The following LDLRAD4 variants were observed in gnomAD, a reference collection of about 807,000 sequenced individuals.
LDLRAD4 encodes the protein low density lipoprotein receptor class A domain containing 4.
A neutral mutation model predicts 17.0 loss-of-function variants in LDLRAD4; 5 were observed. The ratio of observed to expected loss-of-function variants is 0.29; its 90% confidence interval spans 0.15 to 0.62. The LOEUF is 0.62. Among genes scored for constraint, LDLRAD4 ranks in the 20% least tolerant of loss-of-function variants. The pLI is 0.84. For missense variants in LDLRAD4, 340 were observed against 424.7 expected (o/e 0.80, Z 1.75); for synonymous variants, 168 against 171.8 (o/e 0.98, Z 0.17).
At chr18:13,442,608 C>T (rs1249508195) in intron 3 of LDLRAD4, among the ~76,000 whole-genome samples, 1 of 152,232 alleles carries the variant, frequency 6.6e-6, no homozygotes, top group Non-Finnish European at 1.5e-5. Flanking sequence ...CACCTGCTGG[C>T]CGGCCGGCTG....
upstream of LDLRAD4, among the ~76,000 whole-genome samples, chr18:13,218,457 G>A (rs1360962969): frequency 6.6e-6 from 1 of 152,020 alleles, no homozygotes; most frequent in African/African-American, 2.4e-5. Context: ...CCGGAGGCCA[G>A]GATGGGCGCG....
intron 1 of LDLRAD4, among the ~76,000 whole-genome samples, chr18:13,231,435 G>A (rs755609798): frequency 6.6e-6 from 1 of 152,158 alleles, no homozygotes; most frequent in Non-Finnish European, 1.5e-5. Flanking sequence ...CCGAGATCGC[G>A]TGAGTCTGGT....
chr18:13,489,577 T>C (rs1487938762), intron 3 of LDLRAD4: 1 of 152,296 alleles, frequency 6.6e-6, no homozygotes, highest in Non-Finnish European at 1.5e-5. Flanking sequence ...CAAATCCAGC[T>C]CTGCACTGGG....
At chr18:13,401,344 A>G (rs977556331) in intron 2 of LDLRAD4, among the ~76,000 whole-genome samples, 3 of 146,844 alleles carry the variant, frequency 2.0e-5, no homozygotes, top group Non-Finnish European at 4.5e-5. Flanking sequence ...ATACATTTAT[A>G]TTGTCTTTTT....
At chr18:13,241,789 A>G (rs1474417464) in intron 1 of LDLRAD4, 2 of 152,284 alleles carry the variant, frequency 1.3e-5, no homozygotes, top group African/African-American at 4.8e-5. Context: ...TCACAGGGAC[A>G]TGCGTGAAAT....
intron 3 of LDLRAD4, among the ~76,000 whole-genome samples, chr18:13,586,552 CAG>C (rs1329490100): frequency 1.3e-5 from 2 of 151,964 alleles, no homozygotes; most frequent in African/African-American, 2.4e-5. Context: ...AGCCCTGAAA[CAG>C]ACACACATCC....
At chr18:13,321,620 C>G (rs965612319) in intron 1 of LDLRAD4, among the ~76,000 whole-genome samples, 2 of 152,050 alleles carry the variant, frequency 1.3e-5, no homozygotes, top group Non-Finnish European at 2.9e-5. Flanking sequence ...AATCCCAGCA[C>G]TTTGGGAGGT....
chr18:13,339,422 C>T (rs2082261986), intron 1 of LDLRAD4, among the ~76,000 whole-genome samples: 1 of 152,048 alleles, frequency 6.6e-6, no homozygotes, highest in African/African-American at 2.4e-5. Flanking sequence ...AGGATGGTCT[C>T]AATCTCTTGA....
At chr18:13,626,021 C>T (rs953445826) in intron 4 of LDLRAD4, among the ~76,000 whole-genome samples, 7 of 151,558 alleles carry the variant, frequency 4.6e-5, no homozygotes, top group Non-Finnish European at 8.8e-5. Flanking sequence ...CCAGGGGGGC[C>T]CAAGGAATGG....
At chr18:13,383,013 C>G (rs1484198436) in intron 1 of LDLRAD4, among the ~76,000 whole-genome samples, 2 of 152,194 alleles carry the variant, frequency 1.3e-5, no homozygotes, top group African/African-American at 4.8e-5. Flanking sequence ...GCAGGCTCAC[C>G]ACTTGTAATC....
intron 1 of LDLRAD4, among the ~76,000 whole-genome samples, chr18:13,358,020 G>A (rs2083446385): frequency 6.6e-6 from 1 of 152,092 alleles, no homozygotes; most frequent in Admixed American, 6.6e-5. Context: ...CTTTTGACGT[G>A]GCCCTAGTCT....
At chr18:13,389,568 A>G (rs2086105796) in intron 2 of LDLRAD4, among the ~76,000 whole-genome samples, 1 of 152,124 alleles carries the variant, frequency 6.6e-6, no homozygotes, top group African/African-American at 2.4e-5. Flanking sequence ...TGAGCATGGG[A>G]CAAAAAGAGC....
At position 13,637,869 on chromosome 18, in the gene LDLRAD4, A is replaced by ACC. The variant is rs1280944739; in HGVS notation, c.337-5490_337-5489insCC. On this transcript the variant is annotated intron_variant, in intron 4 of 5. Transcript: ENST00000359446. Reference sequence around the variant, plus strand: ...CAACAGAGCAAGACTCCGTCTCAACAACAAAAAAAAAAAAAAAAAGAGAGA... The same window carrying ACC: ...CAACAGAGCAAGACTCCGTCTCAACACCACAAAAAAAAAAAAAAAAAGAGAGA... 2.8e-4 allele frequency among the ~76,000 whole-genome samples: 40 copies of ACC among 143,914 alleles called. 1 individual carries two copies. The highest frequency in any genetic ancestry group is 3.3e-3 in the Middle Eastern group (1 of 304). The allele number at this position is 143,914 out of a possible 152,430, so 94.4% of individuals were successfully genotyped here.
chr18:13,557,259 CTG>C (rs1325291479), intron 3 of LDLRAD4, among the ~76,000 whole-genome samples: 8 of 152,134 alleles, frequency 5.3e-5, no homozygotes, highest in African/African-American at 1.9e-4. Context: ...GATCACAACA[CTG>C]TGCTCCAGCC....
At chr18:13,495,964 C>A (rs1455969574) in intron 3 of LDLRAD4, among the ~76,000 whole-genome samples, 1 of 152,184 alleles carries the variant, frequency 6.6e-6, no homozygotes, top group East Asian at 1.9e-4. Flanking sequence ...CTCCCCAGCT[C>A]CCCAGGCCCC....
chr18:13,511,623 G>A (rs9955173), intron 3 of LDLRAD4, among the ~76,000 whole-genome samples: 2 of 151,998 alleles, frequency 1.3e-5, no homozygotes, highest in African/African-American at 4.8e-5. Flanking sequence ...TTCTGTAATC[G>A]TTTTCTGATA....
chr18:13,372,461 T>C (rs907915746), intron 1 of LDLRAD4, among the ~76,000 whole-genome samples: 1 of 152,022 alleles, frequency 6.6e-6, no homozygotes, highest in African/African-American at 2.4e-5. Context: ...TTAGAAGAAA[T>C]GAAAGAGACA....
At chr18:13,546,141 A>G (rs2094358797) in intron 3 of LDLRAD4, among the ~76,000 whole-genome samples, 1 of 152,060 alleles carries the variant, frequency 6.6e-6, no homozygotes, top group South Asian at 2.1e-4. Flanking sequence ...ACAACAGTTG[A>G]GGCAGGGGAC....
intron 3 of LDLRAD4, among the ~76,000 whole-genome samples, chr18:13,605,125 G>A (rs2095209481): frequency 6.6e-6 from 1 of 152,338 alleles, no homozygotes; most frequent in East Asian, 1.9e-4. Flanking sequence ...CAGAATTAGA[G>A]TGTTCTCTTA....
Sources: gnomAD v4.1 joint callset for allele counts (sites outside exome capture counted in the v4.1 genomes callset) on GRCh38, gnomAD v4.1.1 for gene constraint, MANE v1.5 for transcripts, NCBI Gene and HGNC (gene_info 2026-07-23, HGNC 2026-07-21) for gene names.